Variants in MDGA2 observed in about 807,000 individuals in gnomAD.
MDGA2 encodes MAM domain-containing glycosylphosphatidylinositol anchor protein 2.
Under a neutral mutation model 117.8 loss-of-function variants are expected in MDGA2, and 40 were observed. The observed-to-expected ratio is 0.34, with a 90% CI of 0.26 to 0.44. The LOEUF (loss-of-function observed/expected upper bound fraction) is 0.44. Among genes scored for constraint, MDGA2 ranks in the 20% least tolerant of loss-of-function variants. The probability of loss-of-function intolerance (pLI) is 1.00; values close to 1 mark genes in which losing one functional copy is unlikely to be tolerated. For missense variants in MDGA2, 1,123 were observed against 1,250.6 expected (o/e 0.90, Z 1.54); for synonymous variants, 452 against 439.0 (o/e 1.03, Z -0.37).
intron 2 of MDGA2, among the ~76,000 whole-genome samples, chr14:47,224,593 T>A (rs1005731875): frequency 6.6e-6 from 1 of 152,202 alleles, no homozygotes; most frequent in Non-Finnish European, 1.5e-5. Context: ...TGTACTCATG[T>A]CAATGTGAGC....
At chr14:46,970,076 C>T (rs1227508336) in intron 8 of MDGA2, among the ~76,000 whole-genome samples, 2 of 150,892 alleles carry the variant, frequency 1.3e-5, no homozygotes, top group East Asian at 4.0e-4. Context: ...AAAGACATTC[C>T]ATTTTCATGA....
chr14:47,377,106 T>C (rs973312558), intron 1 of MDGA2, among the ~76,000 whole-genome samples: 1 of 152,134 alleles, frequency 6.6e-6, no homozygotes, highest in Admixed American at 6.5e-5. Context: ...GAGAAATGGG[T>C]ACTTAGAATG....
intron 2 of MDGA2, among the ~76,000 whole-genome samples, chr14:47,274,122 T>C (rs1888234263): frequency 6.6e-6 from 1 of 152,128 alleles, no homozygotes; most frequent in African/African-American, 2.4e-5. Context: ...CAGTGTTTAA[T>C]ATATTCACGT....
Position 46,882,072 on chromosome 14 carries a change from A to C in MDGA2, c.2388T>G (p.Asp796Glu). 6.2e-7 allele frequency: 1 copy of C among 1,610,118 alleles called. No individual in the cohort carries two copies. The highest frequency in any genetic ancestry group is 2.2e-5 in the East Asian group (1 of 44,696). The change falls in exon 11 of 17, where the codon GAT becomes GAG. Residue 796 changes from aspartate (D) to glutamate (E), a missense_variant. Transcript: ENST00000399232. ...TATATTTGATCACACGAATTGTTGA[A>C]TCTCCTTCACCAAATTTGGTGAGAG... ...LTPLTKFGEG[D>E]STIRVIKYSA...
intron 3 of MDGA2, among the ~76,000 whole-genome samples, chr14:47,212,076 T>G (rs1885904735): frequency 6.6e-6 from 1 of 152,296 alleles, no homozygotes; most frequent in South Asian, 2.1e-4. Context: ...TTTAAAATAT[T>G]TTATTCTAAA....
At chr14:47,356,128 A>G (rs565937303) in intron 1 of MDGA2, among the ~76,000 whole-genome samples, 2 of 152,292 alleles carry the variant, frequency 1.3e-5, no homozygotes, top group South Asian at 4.2e-4. Flanking sequence ...CCTTGGATTC[A>G]TCACTCACGA....
rs550315383 is a variant in MDGA2 at position 47,181,179 on chromosome 14, T to C, written c.595+36842A>G. Among the ~76,000 whole-genome samples, 3 of 152,232 alleles carry C rather than the reference T, an allele frequency of 2.0e-5. No homozygotes were observed. In the South Asian group the frequency reaches 6.2e-4, roughly 32 times the overall value. On this transcript the variant is annotated intron_variant, in intron 3 of 16. Coordinates refer to ENST00000399232, the MANE Select transcript of MDGA2 (RefSeq NM_001113498.3). ...TCGTGGTTCGCTGCACCTAGTCATA[T>C]AGGTTTTAAGTCCTGCATGCATTAG...
At chr14:47,176,911 G>A (rs1884480625) in intron 3 of MDGA2, among the ~76,000 whole-genome samples, 1 of 152,082 alleles carries the variant, frequency 6.6e-6, no homozygotes, top group Non-Finnish European at 1.5e-5. Flanking sequence ...ATCTGACAAA[G>A]GGCTAATGTC....
chr14:47,589,074 C>A (rs1051123563), intron 1 of MDGA2, among the ~76,000 whole-genome samples: 5 of 151,904 alleles, frequency 3.3e-5, no homozygotes, highest in African/African-American at 1.2e-4. Context: ...CAAGGATTAT[C>A]TCCCCATGTT....
At chr14:46,916,012 T>G in intron 10 of MDGA2, among the ~76,000 whole-genome samples, 1 of 152,108 alleles carries the variant, frequency 6.6e-6, no homozygotes, top group Non-Finnish European at 1.5e-5. Flanking sequence ...ATGTCATTCC[T>G]AAAGATGACA....
chr14:47,235,128 A>T (rs1246488710), intron 2 of MDGA2, among the ~76,000 whole-genome samples: 1 of 152,206 alleles, frequency 6.6e-6, no homozygotes, highest in South Asian at 2.1e-4. Context: ...ATAAGACTTG[A>T]AAGACAAAGA....
rs145438127 is a variant in MDGA2 at position 47,155,613 on chromosome 14, C to T, written c.596-11339G>A. 5.4e-3 allele frequency among the ~76,000 whole-genome samples: 829 copies of T among 152,184 alleles called. 5 individuals carry two copies. Among genetic ancestry groups the T allele is most frequent in the Non-Finnish European group, 9.0e-3 (610 of 68,018 alleles). ...ACCCCGCTACAGCTGGCATGTCTGG[C>T]TGTACACAGTGGCCAGACCCTGTGG... On this transcript the variant is annotated intron_variant, in intron 3 of 16. Coordinates refer to ENST00000399232, the MANE Select transcript of MDGA2 (RefSeq NM_001113498.3).
chr14:46,999,138 C>T (rs1034922173), intron 8 of MDGA2, among the ~76,000 whole-genome samples: 4 of 151,754 alleles, frequency 2.6e-5, no homozygotes, highest in African/African-American at 9.7e-5. Flanking sequence ...TAAAATACAG[C>T]ACCTTAAAAT....
At chr14:47,189,438 G>A (rs1885030058) in intron 3 of MDGA2, among the ~76,000 whole-genome samples, 1 of 152,070 alleles carries the variant, frequency 6.6e-6, no homozygotes, top group Non-Finnish European at 1.5e-5. Context: ...AAGTACCTCT[G>A]CTTAAGAATC....
At chr14:47,016,452 CTTT>C (rs1458327644) in intron 8 of MDGA2, among the ~76,000 whole-genome samples, 3 of 151,970 alleles carry the variant, frequency 2.0e-5, no homozygotes, top group South Asian at 4.1e-4. Context: ...ACAATTTGTT[CTTT>C]ATGTTTCACT....
intron 1 of MDGA2, among the ~76,000 whole-genome samples, chr14:47,457,821 TTTTG>T (rs1012700219): frequency 6.6e-6 from 1 of 151,508 alleles, no homozygotes; most frequent in Admixed American, 6.6e-5. Flanking sequence ...TGTTTTTTTT[TTTTG>T]TTTGTTTATT....
At chr14:47,079,789 T>C (rs1594598182) in intron 6 of MDGA2, among the ~76,000 whole-genome samples, 2 of 132,652 alleles carry the variant, frequency 1.5e-5, no homozygotes, top group African/African-American at 5.7e-5. Context: ...TGGAGTGCAG[T>C]GGCGCAATCT....
At chr14:46,845,665 TA>T in intron 16 of MDGA2, 100 bp downstream of exon 16, 1 of 720,760 alleles carries the variant, frequency 1.4e-6, no homozygotes, top group Non-Finnish European at 2.2e-6. Flanking sequence ...ATAAACCAAC[TA>T]AAAATAACTC....
chr14:47,441,846 G>C (rs190007079), intron 1 of MDGA2, among the ~76,000 whole-genome samples: 3 of 152,264 alleles, frequency 2.0e-5, no homozygotes, highest in Admixed American at 2.0e-4. Flanking sequence ...TGAGGACAAA[G>C]CTGAGAATGA....
Sources: gnomAD v4.1 joint callset for allele counts (sites outside exome capture counted in the v4.1 genomes callset) on GRCh38, gnomAD v4.1.1 for gene constraint, MANE v1.5 for transcripts, NCBI Gene and HGNC (gene_info 2026-07-23, HGNC 2026-07-21) for gene names.